The following ZNF440 variants were observed in gnomAD, a reference collection of about 807,000 sequenced individuals.
ZNF440 encodes zinc finger protein 440.
ZNF440 carries 47 observed loss-of-function variants against 49.7 expected under a neutral mutation model. The observed-to-expected ratio is 0.95, with a 90% CI of 0.75 to 1.21. The LOEUF (loss-of-function observed/expected upper bound fraction) is 1.21. Ranked by LOEUF, ZNF440 falls within the 50% of genes most tolerant of loss-of-function variation. ZNF440 has a pLI of 0.00. For missense variants in ZNF440, 703 were observed against 715.0 expected (o/e 0.98, Z 0.19); for synonymous variants, 255 against 237.7 (o/e 1.07, Z -0.67).
At chr19:11,820,952 A>G (rs1975792704) in intron 1 of ZNF440, among the ~76,000 whole-genome samples, 2 of 152,154 alleles carry the variant, frequency 1.3e-5, no homozygotes, top group Admixed American at 6.6e-5. Flanking sequence ...AGGGGACACA[A>G]TGCCGTGTTG....
At chr19:11,819,825 G>A (rs1265314022) in intron 1 of ZNF440, among the ~76,000 whole-genome samples, 1 of 152,162 alleles carries the variant, frequency 6.6e-6, no homozygotes, top group Non-Finnish European at 1.5e-5. Flanking sequence ...ATTTTCAAGT[G>A]TTTTATTTAA....
In ZNF440 at chr19:11,832,554, T is replaced by C. The variant is rs752952048; in HGVS notation, c.1378T>C (p.Cys460Arg). ...RIHSGERRYKCKICGKGFYCP... is the reference protein window; with the variant it reads ...RIHSGERRYKRKICGKGFYCP... ...ACACTCTGGAGAAAGACGTTATAAA[T>C]GTAAGATATGTGGGAAAGGCTTTTA... Residue 460 changes from cysteine to arginine, a missense_variant, in exon 4 of 4, where the codon TGT (cysteine) becomes CGT (arginine). Physicochemically the swap from Cys to Arg is radical, Grantham distance 180. Coordinates refer to ENST00000304060, the MANE Select transcript of ZNF440 (RefSeq NM_152357.3). 3.7e-6 allele frequency: 6 copies of C among 1,613,692 alleles called. No homozygotes were observed. Among genetic ancestry groups the C allele is most frequent in the Non-Finnish European group, 4.2e-6 (5 of 1,179,972 alleles).
chr19:11,823,235 G>A (rs1568240308), intron 1 of ZNF440, among the ~76,000 whole-genome samples: 4 of 152,170 alleles, frequency 2.6e-5, no homozygotes, highest in Admixed American at 2.6e-4. Context: ...AGAAAGGATC[G>A]ACTCTTATGC....
In ZNF440 at chr19:11,832,988, A is replaced by C. The variant is rs956379806; in HGVS notation, c.*24A>C. Reference sequence around the variant, plus strand: ...AATGCACTCTGTAGAGAGACCTTATAAATGTAAGATATGTGGGAGGGGCTT... The same window carrying C: ...AATGCACTCTGTAGAGAGACCTTATCAATGTAAGATATGTGGGAGGGGCTT... On this transcript the variant is annotated 3_prime_UTR_variant, in exon 4 of 4. Coordinates refer to ENST00000304060, the MANE Select transcript of ZNF440 (RefSeq NM_152357.3). 4 of 1,600,396 alleles carry C rather than the reference A, an allele frequency of 2.5e-6. No individual in the cohort carries two copies. Among genetic ancestry groups the C allele is most frequent in the Admixed American group, 3.7e-5 (2 of 54,770 alleles).
rs375461820 is a variant in ZNF440 at position 11,833,083 on chromosome 19, A to G, written c.*119A>G. 6.6e-7 allele frequency: 1 copy of G among 1,516,034 alleles called. No individual in the cohort carries two copies. Among genetic ancestry groups the G allele is most frequent in the Non-Finnish European group, 9.1e-7 (1 of 1,100,722 alleles). The allele number at this position is 1,516,034 out of a possible 1,614,324, so 93.9% of individuals were successfully genotyped here. A position where few individuals can be genotyped will look rare whatever the true frequency, so the allele number is the denominator to read the frequency against. On this transcript the variant is annotated 3_prime_UTR_variant, in exon 4 of 4. Coordinates refer to ENST00000304060, the MANE Select transcript of ZNF440 (RefSeq NM_152357.3). ...GAGAGAAACCCTATGAGTGTAAGCAATGTGGGAAAGCCTTTGTTTCCTTCA... is the reference window on the plus strand; with the variant it reads ...GAGAGAAACCCTATGAGTGTAAGCAGTGTGGGAAAGCCTTTGTTTCCTTCA...
At chr19:11,827,397 A>G (rs1389019491) in intron 1 of ZNF440, among the ~76,000 whole-genome samples, 1 of 152,032 alleles carries the variant, frequency 6.6e-6, no homozygotes, top group Non-Finnish European at 1.5e-5. Flanking sequence ...TTTTTTTCTT[A>G]TAGAATTTTA....
At position 11,831,522 on chromosome 19, in the gene ZNF440, C is replaced by A. The variant is rs2145131557; in HGVS notation, c.346C>A (p.Leu116Ile). ...AAGCTTTGTGTGTGGAGAAGTTGGC[C>A]TAGGTAACTCATCTTTTAATATGAA... The part of the protein sequence containing the change: ...CESFVCGEVG[L>I]GNSSFNMNIR... The change falls in exon 4 of 4, where the codon CTA becomes ATA. Residue 116 changes from leucine to isoleucine, a missense_variant. By Grantham distance (5) the Leu-to-Ile change is conservative. Coordinates refer to ENST00000304060, the MANE Select transcript of ZNF440 (RefSeq NM_152357.3). The A allele has an allele frequency of 6.2e-7, 1 of 1,613,948 alleles. No homozygotes were observed. Among genetic ancestry groups the A allele is most frequent in the East Asian group, 2.2e-5 (1 of 44,866 alleles).
Position 11,814,371 on chromosome 19 carries a change from C to G in ZNF440, c.-77C>G. ...GGTGCCTCCACCAGAGCTTCTGTCG[C>G]TCTGTAACCTGCACTGTGACCTACA... On this transcript the variant is annotated 5_prime_UTR_variant, in exon 1 of 4. Coordinates refer to ENST00000304060, the MANE Select transcript of ZNF440 (RefSeq NM_152357.3). 6.7e-7 allele frequency: 1 copy of G among 1,490,786 alleles called. No individual in the cohort carries two copies. Among genetic ancestry groups the G allele is most frequent in the Non-Finnish European group, 8.9e-7 (1 of 1,118,358 alleles). The allele number at this position is 1,490,786 out of a possible 1,614,324, so 92.3% of individuals were successfully genotyped here.
chr19:11,824,535 T>A (rs1422041030), intron 1 of ZNF440, among the ~76,000 whole-genome samples: 1 of 152,130 alleles, frequency 6.6e-6, no homozygotes, highest in Non-Finnish European at 1.5e-5. Context: ...ATATTTTATA[T>A]CGGATTTTAT....
At chr19:11,829,125 A>C (rs1167840313) in intron 1 of ZNF440, among the ~76,000 whole-genome samples, 1 of 152,088 alleles carries the variant, frequency 6.6e-6, no homozygotes, top group Non-Finnish European at 1.5e-5. Flanking sequence ...TATAGTGGTT[A>C]AATCTGTGCT....
intron 1 of ZNF440, among the ~76,000 whole-genome samples, chr19:11,821,126 C>G (rs940738563): frequency 1.9e-4 from 29 of 152,320 alleles, no homozygotes; most frequent in African/African-American, 7.0e-4. Flanking sequence ...CCTTTGGAAA[C>G]TTCAAAGGGT....
In ZNF440 at chr19:11,831,830, T is replaced by A. The variant is rs1362526772; in HGVS notation, c.654T>A (p.His218Gln). 1.2e-6 allele frequency: 2 copies of A among 1,608,948 alleles called. No individual in the cohort carries two copies. The highest frequency in any genetic ancestry group is 1.7e-6 in the Non-Finnish European group (2 of 1,176,392). ...AFHCLRLYLI[H>Q]ERIHTGEKPC... ...ATTGTCTCAGATTATATCTTATCCATGAAAGAATTCACACTGGAGAGAAAC... is the reference window on the plus strand; with the variant it reads ...ATTGTCTCAGATTATATCTTATCCAAGAAAGAATTCACACTGGAGAGAAAC... Residue 218 changes from histidine to glutamine, a missense_variant, in exon 4 of 4, where the codon CAT (histidine) becomes CAA (glutamine). By Grantham distance (24) the His-to-Gln change is conservative. Transcript: ENST00000304060.
chr19:11,832,741 A>G lies in ZNF440; in HGVS notation c.1565A>G (p.Lys522Arg). 2 of 1,613,502 alleles carry G rather than the reference A, an allele frequency of 1.2e-6. No homozygotes were observed. Among genetic ancestry groups the G allele is most frequent in the Non-Finnish European group, 1.7e-6 (2 of 1,179,840 alleles). Residue 522 changes from lysine to arginine, a missense_variant, in exon 4 of 4, where the codon AAG becomes AGG. Physicochemically the swap from Lys to Arg is conservative, Grantham distance 26 (BLOSUM62 2). Coordinates refer to ENST00000304060, the MANE Select transcript of ZNF440 (RefSeq NM_152357.3). ...CCTATAAATGCGAGCAATGTGGGAAAGCCTTCAGAGCTGTGTCAATCCTTT... is the reference window on the plus strand; with the variant it reads ...CCTATAAATGCGAGCAATGTGGGAAGGCCTTCAGAGCTGTGTCAATCCTTT... ...RSPINASNVG[K>R]PSELCQSFEC...
At chr19:11,822,210 G>A (rs1975808327) in intron 1 of ZNF440, among the ~76,000 whole-genome samples, 1 of 152,188 alleles carries the variant, frequency 6.6e-6, no homozygotes, top group African/African-American at 2.4e-5. Flanking sequence ...CAGGGAGGTG[G>A]TCACCAGAAT....
In ZNF440 at chr19:11,832,225, G is replaced by C. The variant is rs1230244430; in HGVS notation, c.1049G>C (p.Cys350Ser). 2 of 1,614,020 alleles carry C rather than the reference G, an allele frequency of 1.2e-6. No homozygotes were observed. Among genetic ancestry groups the C allele is most frequent in the Non-Finnish European group, 1.7e-6 (2 of 1,179,986 alleles). ...YECKICGKDFCSVNSFQRHEK... is the reference protein window; with the variant it reads ...YECKICGKDFSSVNSFQRHEK... ...TGTAAGATATGTGGAAAAGACTTTT[G>C]TTCTGTGAATTCATTTCAAAGACAT... The change falls in exon 4 of 4, where the codon TGT becomes TCT. Residue 350 changes from cysteine (C) to serine (S), a missense_variant. Cys to Ser is a moderately radical substitution (Grantham distance 112). Transcript: ENST00000304060.
At chr19:11,829,652 G>T (rs945422895) in intron 1 of ZNF440, among the ~76,000 whole-genome samples, 4 of 152,110 alleles carry the variant, frequency 2.6e-5, no homozygotes, top group Non-Finnish European at 5.9e-5. Flanking sequence ...TTTAGCCCTT[G>T]TTCAGTTCTA....
intron 1 of ZNF440, among the ~76,000 whole-genome samples, chr19:11,825,791 C>CTT (rs112631754): frequency 0.032 from 3,716 of 117,582 alleles, 125 homozygotes; most frequent in East Asian, 0.078. Context: ...CACTGATTTT[C>CTT]TTTTTTTTTT....
rs1440605855 is a variant in ZNF440, at chr19:11,832,192, C to G, written c.1016C>G (p.Pro339Arg). The G allele has an allele frequency of 6.8e-6, 11 of 1,613,954 alleles. No individual in the cohort carries two copies. The highest frequency in any genetic ancestry group is 9.3e-6 in the Non-Finnish European group (11 of 1,180,004). Reference sequence around the variant, plus strand: ...GTAAGATTGCACTCTGGAGAAAGACCTTATGAATGTAAGATATGTGGAAAA... The same window carrying G: ...GTAAGATTGCACTCTGGAGAAAGACGTTATGAATGTAAGATATGTGGAAAA... ...THVRLHSGER[P>R]YECKICGKDF... Residue 339 changes from proline (P) to arginine (R), a missense_variant, in exon 4 of 4, where the codon CCT becomes CGT. By Grantham distance (103) the Pro-to-Arg change is moderately radical. Transcript: ENST00000304060.
chr19:11,815,050 C>T (rs998586766), intron 1 of ZNF440, among the ~76,000 whole-genome samples: 1 of 151,892 alleles, frequency 6.6e-6, no homozygotes, highest in Non-Finnish European at 1.5e-5. Flanking sequence ...CCGAGGCAGG[C>T]GGATCGCGAG....
Sources: gnomAD v4.1 joint callset for allele counts (sites outside exome capture counted in the v4.1 genomes callset) on GRCh38, gnomAD v4.1.1 for gene constraint, MANE v1.5 for transcripts, NCBI Gene and HGNC (gene_info 2026-07-23, HGNC 2026-07-21) for gene names.